The following ZNF425 variants were observed in gnomAD, a reference collection of about 807,000 sequenced individuals.
ZNF425 encodes the protein zinc finger protein 425.
In ZNF425, 21 loss-of-function variants were observed where a neutral mutation model predicts 17.0. The ratio of observed to expected loss-of-function variants is 1.23; its 90% CI spans 0.88 to 1.78. ZNF425 has a LOEUF of 1.78. ZNF425 is among the 40% of genes most tolerant of loss of function. The probability of loss-of-function intolerance (pLI) is 0.00; values close to 1 mark genes in which losing one functional copy is unlikely to be tolerated. For missense variants in ZNF425, 868 were observed against 967.3 expected, an observed-to-expected ratio of 0.90 and a Z score of 1.36; for synonymous variants, 433 against 384.1, an observed-to-expected ratio of 1.13 and a Z score of -1.49.
At chr7:149,123,871 G>A (rs1337038802) in intron 1 of ZNF425, among the ~76,000 whole-genome samples, 1 of 146,546 alleles carries the variant, frequency 6.8e-6, no homozygotes, top group Non-Finnish European at 1.5e-5. Context: ...TTTTTGAGAC[G>A]GAGTCTCGCT....
rs1161701712 is a variant in ZNF425, at chr7:149,122,256, A to AT, written c.19-3909dup. Among the ~76,000 whole-genome samples the AT allele has an allele frequency of 1.3e-5, 2 of 149,980 alleles. 1 individual carries two copies. The highest frequency in any genetic ancestry group is 1.3e-4 in the Admixed American group (2 of 14,986). On this transcript the variant is annotated intron_variant, in intron 1 of 3. Transcript: ENST00000378061. ...CATCTTTTGCCCATTTTCTAATTGGATTTTTTTTTAACTGTCCAAGGAAGA... is the reference window on the plus strand; with the variant it reads ...CATCTTTTGCCCATTTTCTAATTGGATTTTTTTTTTAACTGTCCAAGGAAGA...
chr7:149,117,608 A>T (rs1203526491), intron 2 of ZNF425, among the ~76,000 whole-genome samples: 7 of 3,420 alleles, frequency 2.0e-3, no homozygotes, highest in African/African-American at 4.1e-3. Flanking sequence ...CACTTCTTTT[A>T]AAAAAAAAGG....
chr7:149,119,811 A>G (rs1056807137), intron 1 of ZNF425, among the ~76,000 whole-genome samples: 1 of 152,196 alleles, frequency 6.6e-6, no homozygotes, highest in African/African-American at 2.4e-5. Flanking sequence ...AATATACTAC[A>G]AATTTTTTAA....
rs1449275318 is a variant in ZNF425 at position 149,103,475 on chromosome 7, C to T, written c.*137G>A. ...TCAAGCGATCCTCCCACCTGGGCCT[C>T]CCAAAGTAATGGGATTACAGGCGGG... On this transcript the variant is annotated 3_prime_UTR_variant, in exon 4 of 4. Transcript: ENST00000378061. 30 of 1,204,078 alleles carry T rather than the reference C, an allele frequency of 2.5e-5. No homozygotes were observed. Among genetic ancestry groups the T allele is most frequent in the Middle Eastern group, 2.9e-4 (1 of 3,492 alleles). The allele number at this position is 1,204,078 out of a possible 1,614,324, so 74.6% of individuals were successfully genotyped here.
intron 3 of ZNF425, among the ~76,000 whole-genome samples, chr7:149,111,793 C>T (rs1244761144): frequency 6.6e-6 from 1 of 151,632 alleles, no homozygotes; most frequent in Non-Finnish European, 1.5e-5. Flanking sequence ...AATTCTCCTG[C>T]CTCAGCCTCC....
rs60783786 is a variant in ZNF425, at chr7:149,111,590, T to TAA, written c.304+545_304+546dup. On this transcript the variant is annotated intron_variant, in intron 3 of 3. Coordinates refer to ENST00000378061, the MANE Select transcript of ZNF425 (RefSeq NM_001001661.3). ...CTGGGTGACAGAGCAAGACTCTGTC[T>TAA]AAAAAAAAAAAAAAAAAAAAAAAAA... Among the ~76,000 whole-genome samples, 505 of 54,376 alleles carry TAA rather than the reference T, an allele frequency of 9.3e-3. 8 individuals are homozygous for TAA. Among genetic ancestry groups the TAA allele is most frequent in the East Asian group, 0.022 (25 of 1,154 alleles). 35.7% of individuals were successfully genotyped at this position (54,376 alleles called of 152,430 possible).
At chr7:149,111,722 C>T (rs925716788) in intron 3 of ZNF425, among the ~76,000 whole-genome samples, 4 of 151,566 alleles carry the variant, frequency 2.6e-5, no homozygotes, top group South Asian at 2.1e-4. Flanking sequence ...CTCTGTCTCC[C>T]AGGCTGGAGT....
rs201916865 is a variant in ZNF425, at chr7:149,104,938, G to A, written c.933C>T (p.Phe311=). ...GCTCCGTGAGCTCGCACTGCTGCACGAAGGCCCGGCCGCACTCCCCGCAGC... is the reference window on the plus strand; with the variant it reads ...GCTCCGTGAGCTCGCACTGCTGCACAAAGGCCCGGCCGCACTCCCCGCAGC... ...PFCCGECGRA[F]VQQCELTEHL... is the part of the protein sequence containing the mutation. Residue 311 remains phenylalanine (F), a synonymous_variant, in exon 4 of 4, where the codon TTC becomes TTT. Transcript: ENST00000378061. This position sits in a 1 kb window ranked among gnomAD's most constrained non-coding sequence, Gnocchi z 4.3. 9.9e-6 allele frequency: 16 copies of A among 1,613,864 alleles called. No homozygotes were observed. In the East Asian group the frequency reaches 3.1e-4, roughly 31 times the overall value.
At chr7:149,114,520 C>T (rs1711576089) in intron 2 of ZNF425, among the ~76,000 whole-genome samples, 1 of 151,866 alleles carries the variant, frequency 6.6e-6, no homozygotes, top group African/African-American at 2.4e-5. Context: ...GCCTCAGCCT[C>T]CTGAGTTGCT....
intron 3 of ZNF425, among the ~76,000 whole-genome samples, chr7:149,111,588 T>C (rs977886746): frequency 4.7e-5 from 2 of 42,638 alleles, no homozygotes; most frequent in Non-Finnish European, 4.2e-5. Flanking sequence ...CAAGACTCTG[T>C]CTAAAAAAAA....
chr7:149,123,258 C>T (rs1201752342), intron 1 of ZNF425, among the ~76,000 whole-genome samples: 1 of 152,140 alleles, frequency 6.6e-6, no homozygotes, highest in Non-Finnish European at 1.5e-5. Flanking sequence ...ATTCCATTTT[C>T]ACTCCTTTCA....
chr7:149,110,391 C>A (rs1392872266), intron 3 of ZNF425, among the ~76,000 whole-genome samples: 3 of 151,458 alleles, frequency 2.0e-5, no homozygotes, highest in Non-Finnish European at 4.4e-5. Context: ...CATGGTGAAA[C>A]CCCATCTCTA....
chr7:149,108,793 G>A (rs1170387001), intron 3 of ZNF425, among the ~76,000 whole-genome samples: 1 of 152,152 alleles, frequency 6.6e-6, no homozygotes, highest in Admixed American at 6.6e-5. Flanking sequence ...TCGGGAGGCT[G>A]AGGCAGGGGA....
At chr7:149,116,100 G>A (rs943452013) in intron 2 of ZNF425, among the ~76,000 whole-genome samples, 12 of 152,042 alleles carry the variant, frequency 7.9e-5, no homozygotes, top group African/African-American at 2.9e-4. Flanking sequence ...CCTGGGCCTC[G>A]GTGTCCTCAG....
Position 149,104,799 on chromosome 7 carries a change from A to G in ZNF425, c.1072T>C (p.Phe358Leu), listed in dbSNP as rs778311972. Residue 358 changes from phenylalanine to leucine, a missense_variant, in exon 4 of 4, where the codon TTC becomes CTC. Coordinates refer to ENST00000378061, the MANE Select transcript of ZNF425 (RefSeq NM_001001661.3). This position sits in a 1 kb window ranked among gnomAD's most constrained non-coding sequence, Gnocchi z 4.3. ...HLTQHSGKRP[F>L]HCPECGRSFS... The stretch of plus-strand genomic sequence containing the variant: ...CTCCGGCCACACTCGGGACAGTGGA[A>G]GGGCCTCTTCCCGCTGTGCTGGGTC... The G allele has an allele frequency of 1.1e-5, 17 of 1,613,670 alleles. No individual in the cohort carries two copies.
At position 149,103,341 on chromosome 7, in the gene ZNF425, C is replaced by T; in HGVS notation, c.*271G>A. ...AAGCGATCCTCCTGCCTCAACCTCC[C>T]AAAGTAGCTGGGACCACAAGCATGC... is the stretch of plus-strand genomic sequence containing the variant. On this transcript the variant is annotated 3_prime_UTR_variant, in exon 4 of 4. Transcript: ENST00000378061. 1 of 384,288 alleles carries T rather than the reference C, an allele frequency of 2.6e-6. No homozygotes were observed. The highest frequency in any genetic ancestry group is 4.6e-6 in the Non-Finnish European group (1 of 215,578). The allele number at this position is 384,288 out of a possible 1,614,324, so 23.8% of individuals were successfully genotyped here. A position where few individuals can be genotyped will look rare whatever the true frequency, so the allele number is the denominator to read the frequency against.
intron 3 of ZNF425, among the ~76,000 whole-genome samples, chr7:149,106,884 A>G (rs186603408): frequency 3.3e-5 from 5 of 152,100 alleles, no homozygotes; most frequent in African/African-American, 9.6e-5. Context: ...TGAGGTGGGC[A>G]GATCACGAGG....
At chr7:149,121,478 G>A (rs1034086684) in intron 1 of ZNF425, among the ~76,000 whole-genome samples, 3 of 148,602 alleles carry the variant, frequency 2.0e-5, no homozygotes, top group African/African-American at 7.5e-5. Context: ...CACAACCTCC[G>A]CCTCCCGGGA....
intron 1 of ZNF425, among the ~76,000 whole-genome samples, chr7:149,123,768 T>C (rs895901297): frequency 2.0e-5 from 3 of 151,584 alleles, no homozygotes; most frequent in East Asian, 3.9e-4. Flanking sequence ...CTGACCTCAG[T>C]TGATCCGCCC....
Sources: gnomAD v4.1 joint callset for allele counts (sites outside exome capture counted in the v4.1 genomes callset) on GRCh38, gnomAD v4.1.1 for gene constraint, Gnocchi (gnomAD v3.1) non-coding constraint, MANE v1.5 for transcripts, NCBI Gene and HGNC (gene_info 2026-07-23, HGNC 2026-07-21) for gene names.